The following DOCK4 variants were observed in gnomAD, a reference collection of about 807,000 sequenced individuals.
DOCK4 encodes the protein dedicator of cytokinesis 4, also known as dedicator of cytokinesis protein 4.
DOCK4 carries 97 observed loss-of-function variants against 268.1 expected under a neutral mutation model. The observed-to-expected ratio is 0.36, with a 90% CI of 0.31 to 0.43. The LOEUF is 0.43. Among genes scored for constraint, DOCK4 ranks in the 20% least tolerant of loss-of-function variants. The pLI is 1.00. For synonymous variants in DOCK4, 954 were observed against 887.2 expected (o/e 1.08, Z -1.34); for missense variants, 2,145 against 2,455.7 (o/e 0.87, Z 2.67).
intron 41 of DOCK4, among the ~76,000 whole-genome samples, chr7:111,756,664 C>T (rs770552170): frequency 3.6e-4 from 54 of 151,924 alleles, no homozygotes; most frequent in Non-Finnish European, 5.3e-4. Flanking sequence ...TTAGTATCTA[C>T]GCCTCATCTT....
intron 1 of DOCK4, among the ~76,000 whole-genome samples, chr7:112,205,725 G>C (rs576550360): frequency 6.6e-6 from 1 of 151,986 alleles, no homozygotes; most frequent in Admixed American, 6.5e-5. Context: ...CTTTGGGGAA[G>C]AAGGGTAAGG....
chr7:111,827,400 T>G (rs1374393725), intron 26 of DOCK4, among the ~76,000 whole-genome samples: 1 of 152,196 alleles, frequency 6.6e-6, no homozygotes, highest in East Asian at 1.9e-4. Flanking sequence ...GATTTAATGT[T>G]CCAGGTTCTG....
At chr7:112,150,793 C>G (rs1815984579) in intron 1 of DOCK4, among the ~76,000 whole-genome samples, 1 of 152,172 alleles carries the variant, frequency 6.6e-6, no homozygotes. Flanking sequence ...AGACCATGGT[C>G]CCTTCTTAGG....
At chr7:111,822,950 C>T (rs1802105804) in intron 26 of DOCK4, among the ~76,000 whole-genome samples, 1 of 152,058 alleles carries the variant, frequency 6.6e-6, no homozygotes, top group Admixed American at 6.5e-5. Flanking sequence ...TCTTGAGATG[C>T]AGTATTAATG....
At chr7:112,115,633 T>TTATCCATC (rs1812064085) in intron 1 of DOCK4, among the ~76,000 whole-genome samples, 1 of 32,188 alleles carries the variant, frequency 3.1e-5, no homozygotes, top group Admixed American at 2.6e-4. Context: ...ATCCACCCAT[T>TTATCCATC]CATCCATCCA....
chr7:112,148,386 G>A (rs1011203625), intron 1 of DOCK4, among the ~76,000 whole-genome samples: 15 of 152,072 alleles, frequency 9.9e-5, no homozygotes, highest in Non-Finnish European at 1.0e-4. Context: ...TGGACTCCTG[G>A]TCAGAATAAT....
At chr7:111,729,792 C>G (rs1052020850) in intron 52 of DOCK4, among the ~76,000 whole-genome samples, 1 of 152,216 alleles carries the variant, frequency 6.6e-6, no homozygotes, top group African/African-American at 2.4e-5. Context: ...AGGTTCTGCA[C>G]CTGATTTCTC....
chr7:112,162,802 G>C (rs1586951054), intron 1 of DOCK4, among the ~76,000 whole-genome samples: 1 of 152,170 alleles, frequency 6.6e-6, no homozygotes, highest in African/African-American at 2.4e-5. Flanking sequence ...CTTGAAAAAA[G>C]AAGCCATAGT....
At chr7:112,185,193 G>A (rs1296972424) in intron 1 of DOCK4, among the ~76,000 whole-genome samples, 11 of 152,226 alleles carry the variant, frequency 7.2e-5, no homozygotes, top group Admixed American at 7.2e-4. Flanking sequence ...CAGCATTGAA[G>A]TGCAGGCTGC....
At chr7:112,045,451 G>T (rs796888998) in intron 1 of DOCK4, among the ~76,000 whole-genome samples, 5 of 152,152 alleles carry the variant, frequency 3.3e-5, no homozygotes, top group African/African-American at 1.2e-4. Flanking sequence ...TATGAGACTA[G>T]GGAATTATTC....
At chr7:111,775,358 G>A (rs1798377217) in intron 36 of DOCK4, among the ~76,000 whole-genome samples, 1 of 152,140 alleles carries the variant, frequency 6.6e-6, no homozygotes, top group Non-Finnish European at 1.5e-5. Context: ...AAGATTTGAG[G>A]TTCCCAAATC....
At chr7:111,757,230 A>T (rs1409296574) in intron 41 of DOCK4, among the ~76,000 whole-genome samples, 1 of 152,024 alleles carries the variant, frequency 6.6e-6, no homozygotes, top group African/African-American at 2.4e-5. Flanking sequence ...AGCCAGATTT[A>T]TTATTATTAT....
At chr7:112,090,758 T>G (rs1015381852) in intron 1 of DOCK4, among the ~76,000 whole-genome samples, 24 of 152,192 alleles carry the variant, frequency 1.6e-4, no homozygotes, top group Admixed American at 8.5e-4. Context: ...ACAATAAACA[T>G]GCACTGAATG....
intron 12 of DOCK4, among the ~76,000 whole-genome samples, chr7:111,928,650 C>G (rs908879473): frequency 6.7e-6 from 1 of 148,856 alleles, no homozygotes; most frequent in African/African-American, 2.5e-5. Flanking sequence ...TACAGTGGCA[C>G]AATCTTGGCT....
chr7:112,065,571 C>T (rs1806847268), intron 1 of DOCK4, among the ~76,000 whole-genome samples: 1 of 149,328 alleles, frequency 6.7e-6, no homozygotes, highest in African/African-American at 2.5e-5. Context: ...CTAGATGGTG[C>T]TCAGCTGAGT....
intron 36 of DOCK4, among the ~76,000 whole-genome samples, chr7:111,770,911 A>G (rs1393892949): frequency 6.6e-6 from 1 of 152,240 alleles, no homozygotes; most frequent in Non-Finnish European, 1.5e-5. Context: ...AGTTGCAATA[A>G]GAAGGGCCAG....
chr7:111,917,025 G>T (rs1413312192), intron 12 of DOCK4, among the ~76,000 whole-genome samples: 1 of 122,094 alleles, frequency 8.2e-6, no homozygotes, highest in Admixed American at 1.1e-4. Flanking sequence ...GTCACGCTCT[G>T]TTCCCAGGCT....
intron 1 of DOCK4, among the ~76,000 whole-genome samples, chr7:112,126,816 T>C (rs1364907881): frequency 6.6e-6 from 1 of 152,076 alleles, no homozygotes; most frequent in Non-Finnish European, 1.5e-5. Context: ...AAAATGCTCA[T>C]CATCACTGGC....
intron 17 of DOCK4, among the ~76,000 whole-genome samples, chr7:111,873,344 A>G (rs1217206946): frequency 6.6e-6 from 1 of 152,218 alleles, no homozygotes; most frequent in Non-Finnish European, 1.5e-5. Flanking sequence ...GATGGTCTCC[A>G]TGCATTATTA....
Sources: allele counts gnomAD v4.1 joint callset (sites outside exome capture counted in the v4.1 genomes callset), GRCh38; gene constraint gnomAD v4.1.1; transcripts MANE v1.5; gene names NCBI Gene and HGNC (gene_info 2026-07-23, HGNC 2026-07-21).